QTMAN: variants seen among roughly 807,000 people sequenced by gnomAD.
The protein encoded by QTMAN is queuosine-tRNA mannosyltransferase, also known as tRNA-queuosine alpha-mannosyltransferase.
chr2:144,031,864 C>T, the QTMAN span, among the ~76,000 whole-genome samples: 1 of 152,180 alleles, frequency 6.6e-6, no homozygotes, highest in Admixed American at 6.5e-5. Flanking sequence ...TCAAGCGAGT[C>T]TCCTGCCTCA....
At chr2:144,026,893 TC>T in the QTMAN span, among the ~76,000 whole-genome samples, 2 of 152,184 alleles carry the variant, frequency 1.3e-5, no homozygotes, top group Non-Finnish European at 2.9e-5. Context: ...TAAGCATTCT[TC>T]CCCTATTTTG....
At chr2:144,175,951 C>A in the QTMAN span, among the ~76,000 whole-genome samples, 1 of 152,120 alleles carries the variant, frequency 6.6e-6, no homozygotes, top group Admixed American at 6.6e-5. Flanking sequence ...AGGTGTGAGC[C>A]ACCATGCTCG....
chr2:143,982,397 A>G, the QTMAN span, among the ~76,000 whole-genome samples: 1 of 151,308 alleles, frequency 6.6e-6, no homozygotes, highest in African/African-American at 2.4e-5. Flanking sequence ...CGCCCAGCTA[A>G]TTTTTTGTAT....
chr2:144,276,358 A>ATTATTT, the QTMAN span, among the ~76,000 whole-genome samples: 3 of 151,560 alleles, frequency 2.0e-5, no homozygotes, highest in Non-Finnish European at 4.4e-5. Context: ...AAAACTCAGT[A>ATTATTT]TTATTTTTAT....
chr2:144,327,642 G>A, the QTMAN span, among the ~76,000 whole-genome samples: 1 of 152,142 alleles, frequency 6.6e-6, no homozygotes, highest in African/African-American at 2.4e-5. Flanking sequence ...TAGCAGCCAT[G>A]GAGCCTAGAT....
chr2:144,133,191 T>TTA, the QTMAN span, among the ~76,000 whole-genome samples: 2,298 of 35,046 alleles, frequency 0.066, 87 homozygotes, highest in African/African-American at 0.14. Flanking sequence ...TAATATAAAT[T>TTA]TATATATATA....
the QTMAN span, among the ~76,000 whole-genome samples, chr2:144,103,476 G>A: frequency 6.6e-6 from 1 of 152,152 alleles, no homozygotes; most frequent in Non-Finnish European, 1.5e-5. Context: ...AAAGGAGAAT[G>A]AAATGTATCA....
At chr2:144,051,952 C>G in the QTMAN span, among the ~76,000 whole-genome samples, 1 of 152,158 alleles carries the variant, frequency 6.6e-6, no homozygotes, top group South Asian at 2.1e-4. Context: ...TATTTTTCTT[C>G]AGATCACTTT....
At chr2:144,310,021 G>C in the QTMAN span, among the ~76,000 whole-genome samples, 19 of 112,424 alleles carry the variant, frequency 1.7e-4, no homozygotes, top group African/African-American at 5.9e-4. Flanking sequence ...AAAGAAAAAG[G>C]TCATAAAAAG....
the QTMAN span, among the ~76,000 whole-genome samples, chr2:144,098,953 C>G: frequency 6.6e-6 from 1 of 151,828 alleles, no homozygotes; most frequent in South Asian, 2.1e-4. Context: ...ATTGCTTGCT[C>G]CCTAATAATA....
At chr2:144,174,964 A>G in the QTMAN span, among the ~76,000 whole-genome samples, 3 of 152,236 alleles carry the variant, frequency 2.0e-5, no homozygotes, top group African/African-American at 2.4e-5. Flanking sequence ...AAAAGACAAC[A>G]TAAAAGGTAT....
the QTMAN span, among the ~76,000 whole-genome samples, chr2:144,122,018 A>G: frequency 5.9e-5 from 9 of 152,328 alleles, 1 homozygote; most frequent in Non-Finnish European, 7.3e-5. Flanking sequence ...GTGTTGTAAA[A>G]TAAAGGGATT....
the QTMAN span, chr2:143,943,141 AATACT>A: frequency 2.0e-5 from 3 of 152,156 alleles, no homozygotes; most frequent in African/African-American, 2.4e-5. Flanking sequence ...GGTTTTCTGT[AATACT>A]GTACTTTAAT....
At chr2:144,092,028 T>C in the QTMAN span, among the ~76,000 whole-genome samples, 1 of 152,044 alleles carries the variant, frequency 6.6e-6, no homozygotes, top group African/African-American at 2.4e-5. Flanking sequence ...AGAATGTGAA[T>C]TGGGATAGAA....
chr2:144,050,813 A>T, the QTMAN span, among the ~76,000 whole-genome samples: 1 of 150,606 alleles, frequency 6.6e-6, no homozygotes, highest in Admixed American at 6.6e-5. Flanking sequence ...ATTTATTGCT[A>T]TGTAAATAGT....
chr2:144,091,001 T>C, the QTMAN span, among the ~76,000 whole-genome samples: 6 of 151,766 alleles, frequency 4.0e-5, no homozygotes, highest in South Asian at 4.2e-4. Context: ...AAAAGACAAA[T>C]AGATCAACGG....
the QTMAN span, among the ~76,000 whole-genome samples, chr2:144,201,392 G>C: frequency 6.6e-6 from 1 of 152,190 alleles, no homozygotes; most frequent in South Asian, 2.1e-4. Context: ...GCACATTAAC[G>C]AGAAGACAGG....
chr2:144,176,918 G>C, the QTMAN span, among the ~76,000 whole-genome samples: 1 of 152,180 alleles, frequency 6.6e-6, no homozygotes, highest in African/African-American at 2.4e-5. Flanking sequence ...GGCTATACAG[G>C]AAGCATGGCT....
At chr2:144,134,963 A>C in the QTMAN span, among the ~76,000 whole-genome samples, 6 of 152,150 alleles carry the variant, frequency 3.9e-5, no homozygotes, top group South Asian at 2.1e-4. Flanking sequence ...ACAATTGATA[A>C]ATATATACAA....
Sources: gnomAD v4.1 joint callset for allele counts (sites outside exome capture counted in the v4.1 genomes callset) on GRCh38, gnomAD v4.1.1 for gene constraint, MANE v1.5 for transcripts, NCBI Gene and HGNC (gene_info 2026-07-23, HGNC 2026-07-21) for gene names.